The following B3GALT1 variants were observed in gnomAD, a reference collection of about 807,000 sequenced individuals.
B3GALT1 encodes beta-1,3-galactosyltransferase 1, also known as UDP-Gal:betaGlcNAc beta 1,3-galactosyltransferase, polypeptide 1.
Under a neutral mutation model 23.2 loss-of-function variants are expected in B3GALT1, and 10 were observed. The observed-to-expected ratio is 0.43, with a 90% CI of 0.27 to 0.73. The LOEUF is 0.73. B3GALT1 is among the 30% of genes least tolerant of loss of function. The pLI is 0.21. For synonymous variants in B3GALT1, 156 were observed against 141.5 expected (o/e 1.10, Z -0.73); for missense variants, 299 against 405.4 (o/e 0.74, Z 2.25).
intron 2 of B3GALT1, among the ~76,000 whole-genome samples, chr2:167,554,588 G>T (rs550367007): frequency 4.3e-4 from 65 of 152,210 alleles, no homozygotes; most frequent in African/African-American, 1.5e-3. Flanking sequence ...TTGCAGAGCT[G>T]GTGTGAAAAA....
chr2:167,650,629 A>G (rs901431855), intron 3 of B3GALT1, among the ~76,000 whole-genome samples: 3 of 152,082 alleles, frequency 2.0e-5, no homozygotes, highest in Admixed American at 6.6e-5. Flanking sequence ...GGTAGAATTC[A>G]TCAGTGAAGA....
intron 1 of B3GALT1, among the ~76,000 whole-genome samples, chr2:167,420,574 A>C (rs1365674009): frequency 6.6e-6 from 1 of 152,248 alleles, no homozygotes; most frequent in Non-Finnish European, 1.5e-5. Context: ...AAGACTAGTG[A>C]ACACCTCATG....
chr2:167,298,428 A>G (rs967951732), intron 1 of B3GALT1, among the ~76,000 whole-genome samples: 10 of 152,102 alleles, frequency 6.6e-5, no homozygotes, highest in African/African-American at 9.7e-5. Context: ...TATCTGACAT[A>G]CTATTACATT....
At chr2:167,682,814 T>C (rs573633378) in intron 3 of B3GALT1, among the ~76,000 whole-genome samples, 2 of 152,372 alleles carry the variant, frequency 1.3e-5, no homozygotes, top group African/African-American at 4.8e-5. Flanking sequence ...AGGGAATGGA[T>C]GGCTCTTCAT....
intron 2 of B3GALT1, among the ~76,000 whole-genome samples, chr2:167,564,720 AC>A (rs1684119650): frequency 6.6e-6 from 1 of 152,226 alleles, no homozygotes; most frequent in Non-Finnish European, 1.5e-5. Context: ...CCAATAACAG[AC>A]AGACAGCCAA....
chr2:167,707,433 C>T (rs548908046), intron 3 of B3GALT1, among the ~76,000 whole-genome samples: 1 of 152,192 alleles, frequency 6.6e-6, no homozygotes, highest in Admixed American at 6.5e-5. Context: ...ACATGAGTCT[C>T]CATGAGCTAA....
chr2:167,594,899 C>G (rs1390944923), intron 2 of B3GALT1, among the ~76,000 whole-genome samples: 2 of 151,616 alleles, frequency 1.3e-5, no homozygotes, highest in Non-Finnish European at 2.9e-5. Flanking sequence ...GGGTGAGACT[C>G]TGTCTCAAAA....
At chr2:167,557,845 T>C (rs1365431250) in intron 2 of B3GALT1, among the ~76,000 whole-genome samples, 4 of 152,208 alleles carry the variant, frequency 2.6e-5, no homozygotes, top group Non-Finnish European at 5.9e-5. Context: ...AAAGGAAGAA[T>C]CCAATCTGTT....
At position 167,673,207 on chromosome 2, in the gene B3GALT1, G is replaced by T. The variant is rs1240438748; in HGVS notation, c.-352+26241G>T. On this transcript the variant is annotated intron_variant, in intron 3 of 4. Transcript: ENST00000392690. ...AAGATGGCTTTGTGCAGAAGGTGATGACATGAAGTATGAGAGGGAAACAGG... is the reference window on the plus strand; with the variant it reads ...AAGATGGCTTTGTGCAGAAGGTGATTACATGAAGTATGAGAGGGAAACAGG... Among the ~76,000 whole-genome samples, 4 of 152,064 alleles carry T rather than the reference G, an allele frequency of 2.6e-5. No individual in the cohort carries two copies. The East Asian group carries it at 7.7e-4, about 29-fold the overall frequency.
At chr2:167,646,827 G>C (rs1685755465) in intron 2 of B3GALT1, among the ~76,000 whole-genome samples, 82 bp from the exon 3 acceptor site, 1 of 152,166 alleles carries the variant, frequency 6.6e-6, no homozygotes, top group Non-Finnish European at 1.5e-5. Context: ...GTCTATTATT[G>C]TAAGATTTGT....
At chr2:167,473,484 G>A (rs1384255744) in intron 1 of B3GALT1, among the ~76,000 whole-genome samples, 1 of 152,072 alleles carries the variant, frequency 6.6e-6, no homozygotes, top group Admixed American at 6.6e-5. Flanking sequence ...TGGTGAGAGA[G>A]GTGACAGTGG....
At chr2:167,352,524 C>G (rs1009348459) in intron 1 of B3GALT1, among the ~76,000 whole-genome samples, 1 of 149,424 alleles carries the variant, frequency 6.7e-6, no homozygotes, top group African/African-American at 2.5e-5. Context: ...CGAGACCAAC[C>G]TGGCTAACAC....
intron 3 of B3GALT1, among the ~76,000 whole-genome samples, chr2:167,690,784 T>C (rs1206499789): frequency 6.6e-6 from 1 of 152,176 alleles, no homozygotes; most frequent in Non-Finnish European, 1.5e-5. Context: ...TTAGAAAGTC[T>C]TTGATCTGAA....
intron 3 of B3GALT1, among the ~76,000 whole-genome samples, chr2:167,783,873 T>C (rs80126388): frequency 0.01 from 1,592 of 152,256 alleles, 39 homozygotes; most frequent in African/African-American, 0.037. Context: ...TGAAAGCCAT[T>C]TTTCCAGGCT....
chr2:167,651,318 C>CT (rs1685862808), intron 3 of B3GALT1, among the ~76,000 whole-genome samples: 1 of 151,554 alleles, frequency 6.6e-6, no homozygotes, highest in African/African-American at 2.4e-5. Flanking sequence ...AAAATAGACA[C>CT]TTTATTTGTG....
intron 1 of B3GALT1, among the ~76,000 whole-genome samples, chr2:167,464,848 A>T (rs1170250086): frequency 6.6e-6 from 1 of 152,200 alleles, no homozygotes; most frequent in African/African-American, 2.4e-5. Flanking sequence ...CCACAGCATG[A>T]TTGATCACAA....
chr2:167,844,034 A>G (rs540916869), intron 4 of B3GALT1, among the ~76,000 whole-genome samples: 10 of 152,366 alleles, frequency 6.6e-5, no homozygotes, highest in African/African-American at 2.2e-4. Context: ...TAGGAAGCCT[A>G]TTAGACGAAA....
At chr2:167,379,722 T>C (rs1300983748) in intron 1 of B3GALT1, among the ~76,000 whole-genome samples, 1 of 152,204 alleles carries the variant, frequency 6.6e-6, no homozygotes. Context: ...CCCAAGACAC[T>C]GGAGGCCACA....
At chr2:167,398,010 A>G (rs573431360) in intron 1 of B3GALT1, among the ~76,000 whole-genome samples, 6 of 152,300 alleles carry the variant, frequency 3.9e-5, no homozygotes, top group African/African-American at 1.2e-4. Flanking sequence ...TTGCACCTCA[A>G]GTGTTGTGGA....
Sources: gnomAD v4.1 joint callset for allele counts (sites outside exome capture counted in the v4.1 genomes callset) on GRCh38, gnomAD v4.1.1 for gene constraint, MANE v1.5 for transcripts, NCBI Gene and HGNC (gene_info 2026-07-23, HGNC 2026-07-21) for gene names.